The following FBXO7 variants were observed in gnomAD, a reference collection of about 807,000 sequenced individuals.
FBXO7 encodes F-box only protein 7.
In FBXO7, 31 loss-of-function variants were observed where a neutral mutation model predicts 50.2. The observed-to-expected ratio is 0.62, with a 90% CI of 0.46 to 0.83. The LOEUF (loss-of-function observed/expected upper bound fraction) is 0.83. FBXO7 is among the 40% of genes least tolerant of loss of function. FBXO7 has a pLI of 0.00. For synonymous variants in FBXO7, 256 were observed against 253.1 expected (o/e 1.01, Z -0.11); for missense variants, 667 against 646.6 (o/e 1.03, Z -0.34).
At chr22:32,486,977 C>T (rs1370706730) in intron 4 of FBXO7, among the ~76,000 whole-genome samples, 3 of 152,180 alleles carry the variant, frequency 2.0e-5, no homozygotes, top group East Asian at 1.9e-4. Flanking sequence ...TGTATAATAA[C>T]CTCTATTCAC....
chr22:32,479,603 G>A (rs8142589), intron 2 of FBXO7, among the ~76,000 whole-genome samples: 13,191 of 151,956 alleles, frequency 0.087, 609 homozygotes, highest in Non-Finnish European at 0.1. Context: ...CAGCATGTTG[G>A]TCAGGATGGT....
rs767654983 is a variant in FBXO7 at position 32,493,108 on chromosome 22, T to C, written c.971T>C (p.Leu324Pro). ...ACTTCTCTTTTTTTCCTTTTAGCAC[T>C]GAACCTACCAGATGTATTTGGGTTG... ...YPLLAFTRQALNLPDVFGLVV... is the reference protein window; with the variant it reads ...YPLLAFTRQAPNLPDVFGLVV... Residue 324 changes from leucine to proline, a missense_variant, in exon 7 of 9, where the codon CTG (leucine) becomes CCG (proline). Coordinates refer to ENST00000266087, the MANE Select transcript of FBXO7 (RefSeq NM_012179.4). 3.7e-6 allele frequency: 6 copies of C among 1,614,136 alleles called. No individual in the cohort carries two copies. The highest frequency in any genetic ancestry group is 5.1e-6 in the Non-Finnish European group (6 of 1,179,960).
intron 4 of FBXO7, among the ~76,000 whole-genome samples, chr22:32,486,813 A>G (rs891514142): frequency 7.2e-5 from 11 of 152,204 alleles, no homozygotes; most frequent in African/African-American, 2.7e-4. Flanking sequence ...TGTAGCTTTT[A>G]CTTTGGCATT....
intron 5 of FBXO7, chr22:32,489,776 A>G (rs1476068667): frequency 1.3e-5 from 2 of 152,256 alleles, no homozygotes; most frequent in African/African-American, 2.4e-5. Flanking sequence ...TCTTATGTTG[A>G]GTAGGAATAT....
intron 6 of FBXO7, chr22:32,491,491 G>A: frequency 3.3e-6 from 1 of 301,256 alleles, no homozygotes; most frequent in Non-Finnish European, 6.3e-6. Flanking sequence ...TTGTGGTCTA[G>A]CATGAGGTCA....
At chr22:32,475,378 G>T (rs9621461) in intron 1 of FBXO7, 134 of 1,611,050 alleles carry the variant, frequency 8.3e-5, no homozygotes, top group Non-Finnish European at 1.1e-4. Flanking sequence ...CGGCCTCCCG[G>T]GGGCTCTGGT....
intron 7 of FBXO7, 89 bp downstream of exon 7, chr22:32,493,370 C>A (rs2057551213): frequency 9.3e-7 from 1 of 1,073,286 alleles, no homozygotes; most frequent in Admixed American, 1.7e-5. Context: ...TAGGATTTTT[C>A]TGTTGCAAAT....
At chr22:32,478,877 A>C in intron 1 of FBXO7, 104 bp from the exon 2 acceptor site, 2 of 1,110,954 alleles carry the variant, frequency 1.8e-6, no homozygotes, top group East Asian at 2.4e-5. Flanking sequence ...TTCATCACTT[A>C]GTTCTTCTAG....
chr22:32,482,498 T>C (rs1369833710), intron 2 of FBXO7, among the ~76,000 whole-genome samples: 2 of 152,228 alleles, frequency 1.3e-5, no homozygotes, highest in African/African-American at 4.8e-5. Context: ...AAACTTAATA[T>C]AGGTAACTTA....
chr22:32,487,805 C>G lies in FBXO7; in HGVS notation c.848C>G (p.Ser283Cys). The part of the protein sequence containing the change: ...SVKRLQLLPE[S>C]FICKEKLGEN... ...AAAAGATTGCAGCTGCTACCAGAATCTTTTATTTGCAAAGAGAAACTAGGT... is the reference window on the plus strand; with the variant it reads ...AAAAGATTGCAGCTGCTACCAGAATGTTTTATTTGCAAAGAGAAACTAGGT... Residue 283 changes from serine to cysteine, a missense_variant, in exon 5 of 9, where the codon TCT becomes TGT. By Grantham distance (112) the Ser-to-Cys change is moderately radical (BLOSUM62 -1). Transcript: ENST00000266087. 1 of 1,608,020 alleles carries G rather than the reference C, an allele frequency of 6.2e-7. No individual in the cohort carries two copies. The highest frequency in any genetic ancestry group is 2.2e-5 in the East Asian group (1 of 44,680).
chr22:32,490,079 T>G (rs1036946654), intron 5 of FBXO7: 43 of 152,378 alleles, frequency 2.8e-4, no homozygotes, highest in African/African-American at 9.6e-4. Context: ...TTCCTTCTTC[T>G]TATCGATCCT....
Position 32,475,559 on chromosome 22 carries a change from A to C in FBXO7, c.122+435A>C, listed in dbSNP as rs2057422487. 6 of 906,404 alleles carry C rather than the reference A, an allele frequency of 6.6e-6. No homozygotes were observed. In the Admixed American group the frequency reaches 1.5e-4, roughly 22 times the overall value. 56.1% of individuals were successfully genotyped at this position (906,404 alleles called of 1,614,324 possible). A position where few individuals can be genotyped will look rare whatever the true frequency, so the allele number is the denominator to read the frequency against. ...CCGAGTTAATTTCTTCAGCTGTTGG[A>C]GTATTTCAATGAAAAAGTTTGGAAA... On this transcript the variant is annotated intron_variant, in intron 1 of 8. Transcript: ENST00000266087.
chr22:32,487,100 T>A (rs1568975933), intron 4 of FBXO7, among the ~76,000 whole-genome samples: 1 of 152,276 alleles, frequency 6.6e-6, no homozygotes, highest in Non-Finnish European at 1.5e-5. Flanking sequence ...TTGGCAGACT[T>A]GCATGGCAGC....
chr22:32,493,144 C>T lies in FBXO7; in HGVS notation c.1007C>T (p.Pro336Leu). The T allele has an allele frequency of 6.2e-7, 1 of 1,614,180 alleles. No individual in the cohort carries two copies. Among genetic ancestry groups the T allele is most frequent in the Non-Finnish European group, 8.5e-7 (1 of 1,180,026 alleles). ...GATGTATTTGGGTTGGTCGTCCTCCCATTGGAACTGAAACTACGGATCTTC... is the reference window on the plus strand; with the variant it reads ...GATGTATTTGGGTTGGTCGTCCTCCTATTGGAACTGAAACTACGGATCTTC... ...LPDVFGLVVL[P>L]LELKLRIFRL... Residue 336 changes from proline (P) to leucine (L), a missense_variant, in exon 7 of 9, where the codon CCA becomes CTA. By Grantham distance (98) the Pro-to-Leu change is moderately conservative. Transcript: ENST00000266087.
chr22:32,483,639 G>C (rs574634184), intron 2 of FBXO7, among the ~76,000 whole-genome samples: 1 of 152,308 alleles, frequency 6.6e-6, no homozygotes, highest in African/African-American at 2.4e-5. Context: ...TGTGGAACAA[G>C]GTTTAGTTAG....
intron 4 of FBXO7, among the ~76,000 whole-genome samples, chr22:32,485,737 C>T (rs896511048): frequency 5.3e-5 from 8 of 152,126 alleles, no homozygotes; most frequent in African/African-American, 1.7e-4. Flanking sequence ...CTGGGCCTCC[C>T]CCAACAAATG....
chr22:32,475,247 G>C, intron 1 of FBXO7, 123 bp downstream of exon 1: 1 of 1,538,874 alleles, frequency 6.5e-7, no homozygotes, highest in Non-Finnish European at 8.7e-7. Context: ...GGCCAAGTGC[G>C]GGGACGCCGG....
At chr22:32,492,990 C>A in intron 6 of FBXO7, 115 bp from the exon 7 acceptor site, 1 of 974,146 alleles carries the variant, frequency 1.0e-6, no homozygotes, top group African/African-American at 1.6e-5. Flanking sequence ...TTAAGAGTAC[C>A]ATCTAATTTT....
intron 3 of FBXO7, 64 bp downstream of exon 3, chr22:32,484,188 C>T (rs1434034077): frequency 7.1e-6 from 10 of 1,415,582 alleles, no homozygotes; most frequent in Admixed American, 5.0e-5. Context: ...GGTTCCTGCT[C>T]TCAAGTTGCC....
Sources: gnomAD v4.1 joint callset for allele counts (sites outside exome capture counted in the v4.1 genomes callset) on GRCh38, gnomAD v4.1.1 for gene constraint, MANE v1.5 for transcripts, NCBI Gene and HGNC (gene_info 2026-07-23, HGNC 2026-07-21) for gene names.